Variants in PRORP observed in about 807,000 individuals in gnomAD.
PRORP encodes the protein protein only RNase P catalytic subunit.
Under a neutral mutation model 59.4 loss-of-function variants are expected in PRORP, and 51 were observed. The observed-to-expected ratio is 0.86, with a 90% CI of 0.69 to 1.08. PRORP has a LOEUF of 1.08. Ranked by LOEUF, PRORP falls within the 50% of genes least tolerant of loss-of-function variation. The pLI, the probability that PRORP is intolerant of heterozygous loss-of-function variation, is 0.00. For synonymous variants in PRORP, 231 were observed against 245.6 expected (o/e 0.94, Z 0.55); for missense variants, 646 against 690.3 (o/e 0.94, Z 0.72).
intron 4 of PRORP, among the ~76,000 whole-genome samples, chr14:35,130,924 G>A (rs945999275): frequency 2.0e-5 from 3 of 151,504 alleles, no homozygotes; most frequent in Non-Finnish European, 4.4e-5. Flanking sequence ...ATAGGCGTGA[G>A]TCACCAGAGT....
intron 4 of PRORP, among the ~76,000 whole-genome samples, chr14:35,131,155 C>G (rs1422327148): frequency 2.6e-5 from 4 of 151,942 alleles, no homozygotes; most frequent in Non-Finnish European, 5.9e-5. Context: ...GTTGACCAGG[C>G]TGGTCTTGAA....
Position 35,277,200 on chromosome 14 carries a change from A to C in PRORP, c.*3634A>C, listed in dbSNP as rs2051307189. The C allele has an allele frequency of 6.6e-6, 1 of 152,186 alleles. No homozygotes were observed. Among genetic ancestry groups the C allele is most frequent in the African/African-American group, 2.4e-5 (1 of 41,510 alleles). 9.4% of individuals were successfully genotyped at this position (152,186 alleles called of 1,614,324 possible). A position where few individuals can be genotyped will look rare whatever the true frequency, so the allele number is the denominator to read the frequency against. On this transcript the variant is annotated 3_prime_UTR_variant, in exon 8 of 8. Coordinates refer to ENST00000534898, the MANE Select transcript of PRORP (RefSeq NM_014672.4). ...GCCATGACGCCTGGCTAATTTTTGC[A>C]TTTTTAGTAGAGACGGGTTTTCACC... is the stretch of plus-strand genomic sequence containing the variant.
intron 5 of PRORP, among the ~76,000 whole-genome samples, chr14:35,221,661 A>G (rs1595337293): frequency 6.6e-6 from 1 of 152,110 alleles, no homozygotes; most frequent in Admixed American, 6.6e-5. Context: ...CTGGAGCATA[A>G]ATGTGGTTAG....
chr14:35,201,591 T>C (rs1021635420), intron 5 of PRORP, among the ~76,000 whole-genome samples: 1 of 152,034 alleles, frequency 6.6e-6, no homozygotes, highest in Non-Finnish European at 1.5e-5. Flanking sequence ...TAGTACTTCC[T>C]TACTCTCTGG....
chr14:35,202,854 G>T (rs947992682), intron 5 of PRORP, among the ~76,000 whole-genome samples: 2 of 152,012 alleles, frequency 1.3e-5, no homozygotes, highest in African/African-American at 2.4e-5. Flanking sequence ...GGCTGGTCTT[G>T]AACTCCTGGC....
Position 35,253,621 on chromosome 14 carries a change from G to A in PRORP, c.1276-13106G>A, listed in dbSNP as rs75957147. On this transcript the variant is annotated intron_variant, in intron 5 of 7. Coordinates refer to ENST00000534898, the MANE Select transcript of PRORP (RefSeq NM_014672.4). ...AACTGCATCCTTATATAGGATTTAGGGAACCAACTGAAATCTCAGTCCTGC... is the reference window on the plus strand; with the variant it reads ...AACTGCATCCTTATATAGGATTTAGAGAACCAACTGAAATCTCAGTCCTGC... Among the ~76,000 whole-genome samples, 5 of 152,148 alleles carry A rather than the reference G, an allele frequency of 3.3e-5. No homozygotes were observed. In the East Asian group the frequency reaches 9.7e-4, roughly 29 times the overall value.
At chr14:35,155,231 A>G (rs1034418700) in intron 4 of PRORP, among the ~76,000 whole-genome samples, 3 of 152,122 alleles carry the variant, frequency 2.0e-5, no homozygotes, top group Non-Finnish European at 4.4e-5. Context: ...TGAAATATTT[A>G]TGGATTAAAT....
At position 35,138,423 on chromosome 14, in the gene PRORP, G is replaced by A. The variant is rs1355392421; in HGVS notation, c.1167+10812G>A. On this transcript the variant is annotated intron_variant, in intron 4 of 7. Coordinates refer to ENST00000534898, the MANE Select transcript of PRORP (RefSeq NM_014672.4). The stretch of plus-strand genomic sequence containing the variant: ...TATTCAGCATTTTAAATTATTTTGT[G>A]TTAGGAACATTAGAAACATCTAGTT... Among the ~76,000 whole-genome samples the A allele has an allele frequency of 4.1e-5, 6 of 145,436 alleles. 2 individuals carry two copies. The East Asian group carries it at 1.4e-3, about 34-fold the overall frequency.
At chr14:35,158,849 G>T in intron 4 of PRORP, 1 of 309,244 alleles carries the variant, frequency 3.2e-6, no homozygotes. Flanking sequence ...GAAAGACTTG[G>T]ATATTCTGGA....
intron 4 of PRORP, among the ~76,000 whole-genome samples, chr14:35,147,895 C>G (rs765657729): frequency 3.3e-5 from 5 of 152,164 alleles, no homozygotes; most frequent in Admixed American, 1.3e-4. Context: ...TTTCAAGAAA[C>G]CACTTTCTTT....
chr14:35,191,636 G>A (rs1319960371), intron 5 of PRORP, among the ~76,000 whole-genome samples: 2 of 152,144 alleles, frequency 1.3e-5, no homozygotes, highest in African/African-American at 4.8e-5. Context: ...CCAGGAATTC[G>A]AGGCTGCAGT....
At chr14:35,273,274 C>T (rs2051241944) in intron 7 of PRORP, among the ~76,000 whole-genome samples, 161 bp from the exon 8 acceptor site, 2 of 152,210 alleles carry the variant, frequency 1.3e-5, no homozygotes, top group Admixed American at 6.5e-5. Flanking sequence ...TATTAGGGCT[C>T]ATCTTCACAG....
At chr14:35,144,249 A>T (rs1409599690) in intron 4 of PRORP, 1 of 146,282 alleles carries the variant, frequency 6.8e-6, no homozygotes, top group Non-Finnish European at 1.5e-5. Context: ...GTCAAGGGGA[A>T]CTTGATGGCA....
chr14:35,199,010 T>C (rs1181733254), intron 5 of PRORP, among the ~76,000 whole-genome samples: 1 of 152,032 alleles, frequency 6.6e-6, no homozygotes, highest in Non-Finnish European at 1.5e-5. Flanking sequence ...CTACTAAAAA[T>C]ACAAAAAATT....
intron 5 of PRORP, among the ~76,000 whole-genome samples, chr14:35,214,650 T>C (rs541701431): frequency 6.6e-6 from 1 of 152,244 alleles, no homozygotes; most frequent in Non-Finnish European, 1.5e-5. Flanking sequence ...CTCACGCCTA[T>C]AATCTCAACA....
intron 4 of PRORP, among the ~76,000 whole-genome samples, chr14:35,178,712 G>A (rs948061535): frequency 4.6e-5 from 7 of 152,074 alleles, no homozygotes; most frequent in African/African-American, 1.7e-4. Context: ...GCCAGACTGT[G>A]TCTTTTAATT....
intron 5 of PRORP, among the ~76,000 whole-genome samples, chr14:35,256,168 C>T (rs1176918269): frequency 1.3e-5 from 2 of 149,688 alleles, no homozygotes; most frequent in African/African-American, 2.5e-5. Flanking sequence ...CCTGTAATCC[C>T]AGATGCTCGG....
chr14:35,266,301 G>A lies in PRORP; in HGVS notation c.1276-426G>A, dbSNP rs571611568. Among the ~76,000 whole-genome samples the A allele has an allele frequency of 6.0e-4, 87 of 145,966 alleles. 6 individuals are homozygous for A. The East Asian group carries it at 0.018, about 30-fold the overall frequency. ...CATTGTACTCCAGCCTGGGCAACAA[G>A]AGTGAAACTCTGTCTCAAAAAAAAA... is the stretch of plus-strand genomic sequence containing the variant. On this transcript the variant is annotated intron_variant, in intron 5 of 7. Coordinates refer to ENST00000534898, the MANE Select transcript of PRORP (RefSeq NM_014672.4).
At chr14:35,169,167 T>A (rs555059094) in intron 4 of PRORP, among the ~76,000 whole-genome samples, 1 of 152,206 alleles carries the variant, frequency 6.6e-6, no homozygotes, top group East Asian at 1.9e-4. Context: ...AATTTTGATA[T>A]GTAATTTTTA....
Sources: gnomAD v4.1 joint callset for allele counts (sites outside exome capture counted in the v4.1 genomes callset) on GRCh38, gnomAD v4.1.1 for gene constraint, MANE v1.5 for transcripts, NCBI Gene and HGNC (gene_info 2026-07-23, HGNC 2026-07-21) for gene names.